The following EML6 variants were observed in gnomAD, a reference collection of about 807,000 sequenced individuals.
The protein encoded by EML6 is echinoderm microtubule-associated protein-like 6.
A neutral mutation model predicts 240.1 loss-of-function variants in EML6; 154 were observed. That is an observed-to-expected ratio of 0.64 (90% CI 0.56 to 0.73). The LOEUF is 0.73. EML6 is among the 30% of genes least tolerant of loss of function. The pLI is 0.00. For synonymous variants in EML6, 1,148 were observed against 899.0 expected (o/e 1.28, Z -4.95); for missense variants, 2,964 against 2,474.6 (o/e 1.20, Z -4.20).
rs1671762117 is a variant in EML6, at chr2:54,880,596, C to T, written c.2438+956C>T. 2.0e-5 allele frequency: 3 copies of T among 152,294 alleles called. No individual in the cohort carries two copies. The South Asian group carries it at 6.2e-4, about 32-fold the overall frequency. The allele number at this position is 152,294 out of a possible 1,614,324, so 9.4% of individuals were successfully genotyped here. On this transcript the variant is annotated intron_variant, in intron 17 of 41. Coordinates refer to ENST00000356458, the MANE Select transcript of EML6 (RefSeq NM_001039753.4). The stretch of plus-strand genomic sequence containing the variant: ...TCTTCGGAGAAAAAGGGAAGCTTTT[C>T]TGATGACTGCTGTTGAGATTGAATT...
At chr2:54,936,258 C>A (rs1675128902) in intron 28 of EML6, among the ~76,000 whole-genome samples, 2 of 152,206 alleles carry the variant, frequency 1.3e-5, no homozygotes, top group South Asian at 4.1e-4. Context: ...TATGTAGCAT[C>A]TAATAATATC....
Position 54,813,315 on chromosome 2 carries a change from A to C in EML6, c.281A>C (p.Asn94Thr). The C allele has an allele frequency of 3.2e-6, 5 of 1,551,390 alleles. No homozygotes were observed. The highest frequency in any genetic ancestry group is 4.4e-6 in the Non-Finnish European group (5 of 1,146,638). The change falls in exon 3 of 42, where the codon AAT becomes ACT. Residue 94 changes from asparagine (N) to threonine (T), a missense_variant. Asn to Thr is a moderately conservative substitution (Grantham distance 65). Coordinates refer to ENST00000356458, the MANE Select transcript of EML6 (RefSeq NM_001039753.4). ...EPYICIWDSYNVQTVSLLKDV... is the reference protein window; with the variant it reads ...EPYICIWDSYTVQTVSLLKDV... ...TATATATGCATATGGGATTCCTATA[A>C]TGTCCAGACTGTGTCTCTTCTTAAA...
chr2:54,848,456 T>G (rs1272905772), intron 9 of EML6, among the ~76,000 whole-genome samples: 1 of 151,230 alleles, frequency 6.6e-6, no homozygotes. Context: ...CTTTCTCTGC[T>G]TAGTGACGTG....
chr2:54,779,836 T>A (rs1572887368), intron 2 of EML6, among the ~76,000 whole-genome samples: 1 of 131,002 alleles, frequency 7.6e-6, no homozygotes, highest in African/African-American at 3.0e-5. Flanking sequence ...CACTGCAGCC[T>A]GGGTGACAGA....
intron 2 of EML6, among the ~76,000 whole-genome samples, chr2:54,738,959 C>A (rs1343875469): frequency 6.6e-6 from 1 of 152,112 alleles, no homozygotes; most frequent in Non-Finnish European, 1.5e-5. Flanking sequence ...GTGGTTGCAT[C>A]TGGCCAGATG....
intron 8 of EML6, among the ~76,000 whole-genome samples, chr2:54,845,942 A>T (rs1669727642): frequency 6.6e-6 from 1 of 152,220 alleles, no homozygotes; most frequent in Non-Finnish European, 1.5e-5. Context: ...AAAAGTACTA[A>T]TTGATGGAAG....
chr2:54,898,877 T>C (rs1183780549), intron 21 of EML6, among the ~76,000 whole-genome samples: 1 of 152,240 alleles, frequency 6.6e-6, no homozygotes, highest in Non-Finnish European at 1.5e-5. Context: ...ATCAAATTCA[T>C]TTTCTCCCTG....
chr2:54,910,582 T>G (rs1486381708), intron 24 of EML6, among the ~76,000 whole-genome samples: 1 of 152,230 alleles, frequency 6.6e-6, no homozygotes, highest in Non-Finnish European at 1.5e-5. Flanking sequence ...TCCAATGACA[T>G]AATTCTTGCC....
chr2:54,728,302 G>T (rs1017071010), intron 2 of EML6, among the ~76,000 whole-genome samples: 15 of 152,170 alleles, frequency 9.9e-5, no homozygotes, highest in Admixed American at 4.6e-4. Flanking sequence ...TGAAAGAAAA[G>T]CCTGTGAACA....
At chr2:54,914,126 C>G (rs1406022587) in intron 25 of EML6, among the ~76,000 whole-genome samples, 1 of 152,180 alleles carries the variant, frequency 6.6e-6, no homozygotes, top group Non-Finnish European at 1.5e-5. Context: ...AATGCTTTGA[C>G]TATTCAGCCT....
chr2:54,905,407 A>C (rs1463858345), intron 24 of EML6, among the ~76,000 whole-genome samples: 2 of 149,544 alleles, frequency 1.3e-5, no homozygotes, highest in Non-Finnish European at 3.0e-5. Context: ...GTGAAATCCC[A>C]CCACTCAATG....
At chr2:54,903,644 C>T (rs1673172611) in intron 24 of EML6, 142 bp downstream of exon 24, 1 of 730,086 alleles carries the variant, frequency 1.4e-6, no homozygotes, top group Admixed American at 3.1e-5. Context: ...TGTAATTTTA[C>T]AACCCAGAGG....
At position 54,895,233 on chromosome 2, in the gene EML6, G is replaced by C. The variant is rs961028179; in HGVS notation, c.2855-40G>C. Reference sequence around the variant, plus strand: ...ATTGAATTTATACTAATAAGCAGTTGTTTTTGTTATTGTGTTAAATATACC... The same window carrying C: ...ATTGAATTTATACTAATAAGCAGTTCTTTTTGTTATTGTGTTAAATATACC... On this transcript the variant is annotated intron_variant, in intron 20 of 41. Transcript: ENST00000356458. 3.9e-6 allele frequency: 6 copies of C among 1,548,408 alleles called. No homozygotes were observed. The African/African-American group carries it at 8.2e-5, about 21-fold the overall frequency.
intron 9 of EML6, 23 bp from the exon 10 acceptor site, chr2:54,849,939 C>G: frequency 6.5e-7 from 1 of 1,535,742 alleles, no homozygotes; most frequent in Non-Finnish European, 8.8e-7. Context: ...TGCTGCTTAT[C>G]GTTTTGCTTT....
Position 54,967,113 on chromosome 2 carries a change from T to C in EML6, c.5597+10T>C. The C allele has an allele frequency of 6.5e-7, 1 of 1,540,744 alleles. No homozygotes were observed. Among genetic ancestry groups the C allele is most frequent in the Non-Finnish European group, 8.8e-7 (1 of 1,137,468 alleles). Reference sequence around the variant, plus strand: ...GGGCCTCCTGGACAAGGTGACTGACTGGAAGAAAAAACTTGAGGAAAAGGT... The same window carrying C: ...GGGCCTCCTGGACAAGGTGACTGACCGGAAGAAAAAACTTGAGGAAAAGGT... On this transcript the variant is annotated intron_variant, in intron 39 of 41. Transcript: ENST00000356458.
chr2:54,869,090 C>T (rs1455463254), intron 14 of EML6, 91 bp from the exon 15 acceptor site: 17 of 798,982 alleles, frequency 2.1e-5, no homozygotes, highest in East Asian at 1.9e-4. Flanking sequence ...TACATGTTCA[C>T]GTCAATATGT....
At position 54,725,940 on chromosome 2, in the gene EML6, C is replaced by CCAAG. The variant is rs1682889716; in HGVS notation, c.197+683_197+686dup. 6.6e-6 allele frequency among the ~76,000 whole-genome samples: 1 copy of CCAAG among 151,922 alleles called. No individual in the cohort carries two copies. Among genetic ancestry groups the CCAAG allele is most frequent in the Non-Finnish European group, 1.5e-5 (1 of 67,942 alleles). ...TGACCAACATCTGCTAGCGGATGGC[C>CCAAG]CAAGACTGACTGACAGGAGAGCTCA... On this transcript the variant is annotated intron_variant, in intron 2 of 41. Transcript: ENST00000356458. This position sits in a 1 kb window ranked among gnomAD's most constrained non-coding sequence, Gnocchi z 4.3.
intron 14 of EML6, 104 bp downstream of exon 14, chr2:54,866,988 C>G: frequency 1.6e-6 from 1 of 621,308 alleles, no homozygotes. Flanking sequence ...CAGTGTCGTC[C>G]TCCTCCTGGC....
intron 3 of EML6, among the ~76,000 whole-genome samples, chr2:54,814,831 T>C (rs890656026): frequency 8.5e-5 from 13 of 152,242 alleles, no homozygotes; most frequent in Non-Finnish European, 1.8e-4. Flanking sequence ...ACCCCTGGAA[T>C]ATATGTTCTT....
Sources: gnomAD v4.1 joint callset for allele counts (sites outside exome capture counted in the v4.1 genomes callset) on GRCh38, gnomAD v4.1.1 for gene constraint, Gnocchi (gnomAD v3.1) non-coding constraint, MANE v1.5 for transcripts, NCBI Gene and HGNC (gene_info 2026-07-23, HGNC 2026-07-21) for gene names.